Variants in CDC73 observed in about 807,000 individuals in gnomAD.
The protein encoded by CDC73 is cell division cycle 73, also known as parafibromin.
A neutral mutation model predicts 83.7 loss-of-function variants in CDC73; 21 were observed. The ratio of observed to expected loss-of-function variants is 0.25; its 90% CI spans 0.18 to 0.36. The LOEUF (loss-of-function observed/expected upper bound fraction) is 0.36, where lower values mean the gene tolerates loss of function less well. CDC73 is among the 10% of genes least tolerant of loss of function. The pLI, the probability that CDC73 is intolerant of heterozygous loss-of-function variation, is 1.00. For missense variants in CDC73, 342 were observed against 653.3 expected, an observed-to-expected ratio of 0.52 and a Z score of 5.19; for synonymous variants, 224 against 212.9, an observed-to-expected ratio of 1.05 and a Z score of -0.45.
intron 11 of CDC73, among the ~76,000 whole-genome samples, chr1:193,207,350 A>C (rs1048810903): frequency 1.3e-5 from 2 of 152,214 alleles, no homozygotes; most frequent in African/African-American, 4.8e-5. Flanking sequence ...TGTCATGACA[A>C]ACATCTTAAC....
chr1:193,174,088 A>C (rs1676564432), intron 10 of CDC73, among the ~76,000 whole-genome samples: 1 of 151,870 alleles, frequency 6.6e-6, no homozygotes, highest in Admixed American at 6.6e-5. Context: ...TCTGAATTCT[A>C]TCCACAATTC....
intron 10 of CDC73, among the ~76,000 whole-genome samples, chr1:193,185,301 A>G (rs958532741): frequency 2.6e-5 from 4 of 152,110 alleles, no homozygotes; most frequent in Non-Finnish European, 5.9e-5. Flanking sequence ...TAAAGCCACT[A>G]TTGATGTCCC....
At chr1:193,236,163 C>T in intron 14 of CDC73, 93 bp from the exon 15 acceptor site, 1 of 811,888 alleles carries the variant, frequency 1.2e-6, no homozygotes, top group Admixed American at 1.7e-5. Context: ...GTTTATGGGA[C>T]TGTTGCCTAA....
rs1183453810 is a variant in CDC73, at chr1:193,253,550, CA to C, written c.*2840del. The stretch of plus-strand genomic sequence containing the variant: ...AGTATTTTACTGTTTAATATTTAAA[CA>C]ATGTTTAATGTATTTCATTATTAAC... On this transcript the variant is annotated 3_prime_UTR_variant, in exon 17 of 17. Transcript: ENST00000367435. 1 of 231,786 alleles carries C rather than the reference CA, an allele frequency of 4.3e-6. No homozygotes were observed. The highest frequency in any genetic ancestry group is 6.1e-5 in the East Asian group (1 of 16,330). 14.4% of individuals were successfully genotyped at this position (231,786 alleles called of 1,614,324 possible). A position where few individuals can be genotyped will look rare whatever the true frequency, so the allele number is the denominator to read the frequency against.
At chr1:193,123,374 C>G (rs1028450597) in intron 1 of CDC73, among the ~76,000 whole-genome samples, 5 of 152,078 alleles carry the variant, frequency 3.3e-5, no homozygotes, top group African/African-American at 1.2e-4. Flanking sequence ...GTTGCAGGCC[C>G]CCGCCACCAT....
At chr1:193,144,919 T>G (rs1675970057) in intron 7 of CDC73, among the ~76,000 whole-genome samples, 1 of 151,672 alleles carries the variant, frequency 6.6e-6, no homozygotes, top group Non-Finnish European at 1.5e-5. Flanking sequence ...CGTGAGAAAA[T>G]TAGAATTTTG....
chr1:193,136,521 T>C (rs1052447689), intron 5 of CDC73: 5 of 282,500 alleles, frequency 1.8e-5, no homozygotes, highest in African/African-American at 9.1e-5. Context: ...ATAGATGATA[T>C]GCATAGTACT....
intron 10 of CDC73, among the ~76,000 whole-genome samples, chr1:193,193,052 A>G (rs1030014096): frequency 6.6e-6 from 1 of 152,112 alleles, no homozygotes; most frequent in Admixed American, 6.5e-5. Context: ...CTGTAATTTT[A>G]TAATTTCTCC....
Position 193,241,154 on chromosome 1 carries a change from G to A in CDC73, c.1417+4798G>A, listed in dbSNP as rs184000471. Among the ~76,000 whole-genome samples, 6 of 152,068 alleles carry A rather than the reference G, an allele frequency of 3.9e-5. No homozygotes were observed. The East Asian group carries it at 1.2e-3, about 29-fold the overall frequency. ...TAAACATTGCTTCTTCTAGTTTTTT[G>A]AATTTGCTTTTTTAGGGGAGGACTT... On this transcript the variant is annotated intron_variant, in intron 15 of 16. Coordinates refer to ENST00000367435, the MANE Select transcript of CDC73 (RefSeq NM_024529.5).
Position 193,212,047 on chromosome 1 carries a change from T to G in CDC73, c.1031-18T>G, listed in dbSNP as rs1322891058. 5.7e-6 allele frequency: 9 copies of G among 1,567,226 alleles called. No individual in the cohort carries two copies. The highest frequency in any genetic ancestry group is 7.8e-6 in the Non-Finnish European group (9 of 1,147,794). ...GGTTTTTATGACACAGAGTTGTGATTTTTTTTCTTTTTCACAGTTTCTCAA... is the reference window on the plus strand; with the variant it reads ...GGTTTTTATGACACAGAGTTGTGATGTTTTTTCTTTTTCACAGTTTCTCAA... On this transcript the variant is annotated intron_variant, in intron 11 of 16. Coordinates refer to ENST00000367435, the MANE Select transcript of CDC73 (RefSeq NM_024529.5).
rs189365024 is a variant in CDC73, at chr1:193,150,995, T to C, written c.907+613T>C. Among the ~76,000 whole-genome samples the C allele has an allele frequency of 1.9e-3, 290 of 152,342 alleles. 2 individuals are homozygous for C. The highest frequency in any genetic ancestry group is 6.0e-3 in the African/African-American group (250 of 41,580). On this transcript the variant is annotated intron_variant, in intron 9 of 16. Coordinates refer to ENST00000367435, the MANE Select transcript of CDC73 (RefSeq NM_024529.5). ...TCATTTTTCCCAAGTTATAAATGTG[T>C]ATGTACATTGAGAACTTGGAAACAA...
chr1:193,196,423 T>G (rs1677004101), intron 10 of CDC73, among the ~76,000 whole-genome samples: 1 of 152,194 alleles, frequency 6.6e-6, no homozygotes, highest in Non-Finnish European at 1.5e-5. Context: ...CCTCCAACTT[T>G]GATCTTTTTC....
chr1:193,248,220 G>T (rs1214879135), intron 15 of CDC73, among the ~76,000 whole-genome samples: 1 of 152,032 alleles, frequency 6.6e-6, no homozygotes, highest in South Asian at 2.1e-4. Flanking sequence ...AGTCTACTCT[G>T]CCTGTGCTTT....
chr1:193,135,533 A>G lies in CDC73; in HGVS notation c.371-4A>G, dbSNP rs374021222. ...ACATTTATTTACTTCTCTTTCTTTT[A>G]TAGTCAAACGAGCTGCAGATGAAGT... is the stretch of plus-strand genomic sequence containing the variant. On this transcript the variant is annotated splice_polypyrimidine_tract_variant and splice_region_variant and intron_variant, in intron 4 of 16. Coordinates refer to ENST00000367435, the MANE Select transcript of CDC73 (RefSeq NM_024529.5). 1.8e-5 allele frequency: 29 copies of G among 1,613,418 alleles called. No individual in the cohort carries two copies. In the African/African-American group the frequency reaches 2.4e-4, roughly 13 times the overall value.
chr1:193,246,069 T>C (rs572853644), intron 15 of CDC73, among the ~76,000 whole-genome samples: 82 of 152,300 alleles, frequency 5.4e-4, no homozygotes, highest in African/African-American at 2.0e-3. Context: ...TTTCTCCCAT[T>C]CTTTAGGTTG....
At chr1:193,139,939 T>C (rs1441564848) in intron 6 of CDC73, among the ~76,000 whole-genome samples, 1 of 152,222 alleles carries the variant, frequency 6.6e-6, no homozygotes, top group Non-Finnish European at 1.5e-5. Context: ...GGTGGTTCTT[T>C]ATTCAACCTT....
intron 3 of CDC73, among the ~76,000 whole-genome samples, chr1:193,132,727 T>G (rs1675717151): frequency 6.6e-6 from 1 of 151,938 alleles, no homozygotes; most frequent in South Asian, 2.1e-4. Flanking sequence ...GTTTGTTTGT[T>G]TTTGGCTTCA....
chr1:193,146,643 A>G (rs1676005833), intron 7 of CDC73, among the ~76,000 whole-genome samples: 1 of 152,192 alleles, frequency 6.6e-6, no homozygotes, highest in Non-Finnish European at 1.5e-5. Context: ...CACCTCCTAA[A>G]GGCTCCACCT....
intron 10 of CDC73, among the ~76,000 whole-genome samples, chr1:193,172,504 A>C (rs890996405): frequency 5.9e-5 from 9 of 152,082 alleles, no homozygotes; most frequent in Admixed American, 6.6e-5. Context: ...ATGTGTTCCT[A>C]CCTTAAATAT....
Sources: gnomAD v4.1 joint callset for allele counts (sites outside exome capture counted in the v4.1 genomes callset) on GRCh38, gnomAD v4.1.1 for gene constraint, MANE v1.5 for transcripts, NCBI Gene and HGNC (gene_info 2026-07-23, HGNC 2026-07-21) for gene names.